MTX2: variants seen among roughly 807,000 people sequenced by gnomAD.
MTX2 encodes metaxin 2.
Under a neutral mutation model 42.3 loss-of-function variants are expected in MTX2, and 35 were observed. The ratio of observed to expected loss-of-function variants is 0.83; its 90% CI spans 0.63 to 1.10. The LOEUF (loss-of-function observed/expected upper bound fraction) is 1.10, where lower values mean the gene tolerates loss of function less well. MTX2 is among the 50% of genes least tolerant of loss of function. The pLI is 0.00. For synonymous variants in MTX2, 119 were observed against 100.9 expected (o/e 1.18, Z -1.08); for missense variants, 307 against 304.1 (o/e 1.01, Z -0.07).
chr2:176,292,927 T>A (rs908117366), intron 1 of MTX2, among the ~76,000 whole-genome samples: 9 of 152,232 alleles, frequency 5.9e-5, no homozygotes, highest in African/African-American at 2.2e-4. Flanking sequence ...GTTTCATTGC[T>A]GTGTTGGTAT....
chr2:176,328,947 T>C (rs766238277), intron 7 of MTX2, 35 bp downstream of exon 7: 1 of 1,564,232 alleles, frequency 6.4e-7, no homozygotes, highest in East Asian at 2.3e-5. Context: ...TTAATTAAAA[T>C]TTAATGAGAA....
intron 1 of MTX2, among the ~76,000 whole-genome samples, chr2:176,273,149 G>A (rs1350563532): frequency 1.3e-5 from 2 of 152,084 alleles, no homozygotes; most frequent in Admixed American, 6.5e-5. Context: ...CCTACTCTTG[G>A]GATAAAGAGA....
chr2:176,331,432 A>G (rs1440872198), intron 9 of MTX2, among the ~76,000 whole-genome samples: 1 of 151,140 alleles, frequency 6.6e-6, no homozygotes, highest in Admixed American at 6.6e-5. Context: ...TTTTAGATTA[A>G]TAATTTCTAA....
intron 5 of MTX2, 85 bp from the exon 6 acceptor site, chr2:176,328,208 T>C: frequency 2.7e-6 from 2 of 752,590 alleles, no homozygotes; most frequent in Non-Finnish European, 4.1e-6. Flanking sequence ...TATAGTTGCA[T>C]GTTACGTTAT....
intron 1 of MTX2, among the ~76,000 whole-genome samples, chr2:176,281,558 T>C (rs1232575765): frequency 6.6e-6 from 1 of 152,154 alleles, no homozygotes; most frequent in East Asian, 1.9e-4. Context: ...CTACTCTCAA[T>C]TGTCCTGCAG....
chr2:176,283,809 G>T (rs984612606), intron 1 of MTX2, among the ~76,000 whole-genome samples: 15 of 152,176 alleles, frequency 9.9e-5, no homozygotes, highest in Non-Finnish European at 1.8e-4. Context: ...GGTTAATGTT[G>T]TTGAGGTCTC....
At chr2:176,270,897 C>T (rs1007908312) in intron 1 of MTX2, among the ~76,000 whole-genome samples, 2 of 151,980 alleles carry the variant, frequency 1.3e-5, no homozygotes, top group Non-Finnish European at 2.9e-5. Flanking sequence ...ATGATTATTT[C>T]TGCTTTTACC....
rs866505524 is a variant in MTX2, at chr2:176,283,645, A to C, written c.41-13215A>C. On this transcript the variant is annotated intron_variant, in intron 1 of 9. Coordinates refer to ENST00000249442, the MANE Select transcript of MTX2 (RefSeq NM_006554.5). ...AGCAAAGTATATGTACAGTACCTGG[A>C]ACCATAATCACATAGTAGATACTTA... is the stretch of plus-strand genomic sequence containing the variant. Among the ~76,000 whole-genome samples, 7 of 152,332 alleles carry C rather than the reference A, an allele frequency of 4.6e-5. No individual in the cohort carries two copies. In the Middle Eastern group the frequency reaches 0.017, roughly 370 times the overall value.
At chr2:176,270,226 A>C (rs148234634) in intron 1 of MTX2, 1 of 423,870 alleles carries the variant, frequency 2.4e-6, no homozygotes, top group Non-Finnish European at 4.0e-6. Flanking sequence ...GCTGGAGTGC[A>C]GTGGCACAAC....
chr2:176,282,981 C>T (rs1465536090), intron 1 of MTX2, among the ~76,000 whole-genome samples: 1 of 152,074 alleles, frequency 6.6e-6, no homozygotes, highest in Non-Finnish European at 1.5e-5. Flanking sequence ...GGATTACAGG[C>T]GTGAGCAATC....
intron 1 of MTX2, among the ~76,000 whole-genome samples, chr2:176,279,972 A>T (rs1162230078): frequency 2.0e-5 from 3 of 152,224 alleles, no homozygotes; most frequent in Non-Finnish European, 4.4e-5. Context: ...ATCATAGGTA[A>T]ATGACTATTG....
intron 3 of MTX2, among the ~76,000 whole-genome samples, chr2:176,300,303 T>C (rs1683990608): frequency 6.6e-6 from 1 of 152,116 alleles, no homozygotes; most frequent in Non-Finnish European, 1.5e-5. Flanking sequence ...GTTGGCCACA[T>C]TTGTGATTTG....
At position 176,297,875 on chromosome 2, in the gene MTX2, G is replaced by A; in HGVS notation, c.115G>A (p.Ala39Thr). The change falls in exon 3 of 10, where the codon GCA (alanine) becomes ACA (threonine). Residue 39 changes from alanine to threonine, a missense_variant. Transcript: ENST00000249442. ...KGEQILLSDN[A>T]ASLAVQAFLQ... ...GGAGCAAATTTTACTTTCTGACAAT[G>A]CAGCTTCTCTTGCAGTGCAGGTAAA... The A allele has an allele frequency of 1.3e-6, 2 of 1,558,574 alleles. No homozygotes were observed. The highest frequency in any genetic ancestry group is 1.7e-6 in the Non-Finnish European group (2 of 1,149,124).
chr2:176,332,475 T>C (rs1280492051), intron 9 of MTX2, among the ~76,000 whole-genome samples: 1 of 151,332 alleles, frequency 6.6e-6, no homozygotes. Context: ...TGTATGCCAG[T>C]CCTAAAATTA....
In MTX2 at chr2:176,287,039, A is replaced by C. The variant is rs370968746; in HGVS notation, c.41-9821A>C. On this transcript the variant is annotated intron_variant, in intron 1 of 9. Transcript: ENST00000249442. ...GTTTTTTGTGTAATGTGTAGCCCAA[A>C]CAGAATTAAGCCTTGTTATATGTAT... Among the ~76,000 whole-genome samples, 14 of 152,290 alleles carry C rather than the reference A, an allele frequency of 9.2e-5. No individual in the cohort carries two copies. The East Asian group carries it at 2.5e-3, about 27-fold the overall frequency.
intron 1 of MTX2, chr2:176,270,491 G>C (rs1354231984): frequency 8.9e-7 from 1 of 1,128,064 alleles, no homozygotes; most frequent in African/African-American, 1.6e-5. Flanking sequence ...AGAAAGTGAG[G>C]AGACTAAACA....
intron 8 of MTX2, among the ~76,000 whole-genome samples, chr2:176,329,836 G>A (rs1684812211): frequency 6.8e-6 from 1 of 147,926 alleles, no homozygotes; most frequent in Non-Finnish European, 1.5e-5. Context: ...TAGATCTGCA[G>A]CATCAGGGCT....
intron 3 of MTX2, among the ~76,000 whole-genome samples, chr2:176,313,388 CTTTTTT>C (rs1207416607): frequency 9.7e-6 from 1 of 103,510 alleles, no homozygotes; most frequent in Non-Finnish European, 1.9e-5. Context: ...TACACTGATT[CTTTTTT>C]TTTTTTTTTT....
At chr2:176,278,796 T>A (rs13420298) in intron 1 of MTX2, among the ~76,000 whole-genome samples, 43,656 of 152,066 alleles carry the variant, frequency 0.29, 6,946 homozygotes, top group African/African-American at 0.42. Context: ...TAATATTCAG[T>A]AAATCCAGCT....
Sources: allele counts gnomAD v4.1 joint callset (sites outside exome capture counted in the v4.1 genomes callset), GRCh38; gene constraint gnomAD v4.1.1; transcripts MANE v1.5; gene names NCBI Gene and HGNC (gene_info 2026-07-23, HGNC 2026-07-21).